The following CRISP2 variants were observed in gnomAD, a reference collection of about 807,000 sequenced individuals.
CRISP2 encodes the protein cysteine-rich secretory protein 2.
Under a neutral mutation model 31.7 loss-of-function variants are expected in CRISP2, and 29 were observed. That is an observed-to-expected ratio of 0.92 (90% CI 0.68 to 1.25). CRISP2 has a LOEUF of 1.25. Among genes scored for constraint, CRISP2 ranks in the 50% most tolerant of loss-of-function variants. The pLI is 0.00. For synonymous variants in CRISP2, 111 were observed against 101.4 expected (o/e 1.09, Z -0.57); for missense variants, 318 against 286.5 (o/e 1.11, Z -0.79).
intron 4 of CRISP2, among the ~76,000 whole-genome samples, chr6:49,706,853 A>G (rs1223678839): frequency 6.6e-6 from 1 of 152,204 alleles, no homozygotes; most frequent in Non-Finnish European, 1.5e-5. Flanking sequence ...TCCTAAGAAC[A>G]GGGACTGATC....
chr6:49,694,732 A>G (rs1259609051), intron 9 of CRISP2, among the ~76,000 whole-genome samples: 1 of 128,866 alleles, frequency 7.8e-6, no homozygotes, highest in African/African-American at 2.8e-5. Context: ...GTATTCAACT[A>G]TTTTTTTCTT....
intron 4 of CRISP2, among the ~76,000 whole-genome samples, chr6:49,702,092 ATAT>A (rs1161341839): frequency 2.8e-5 from 3 of 107,626 alleles, no homozygotes; most frequent in African/African-American, 1.0e-4. Context: ...TATATTATAT[ATAT>A]TATATATGTA....
chr6:49,694,775 C>A (rs141006904), intron 9 of CRISP2, among the ~76,000 whole-genome samples: 12,194 of 147,776 alleles, frequency 0.083, 556 homozygotes, highest in Non-Finnish European at 0.099. Context: ...CGCTCTGTTG[C>A]CCTGGCTGGA....
intron 4 of CRISP2, among the ~76,000 whole-genome samples, chr6:49,704,751 A>C (rs1766718909): frequency 6.6e-6 from 1 of 152,170 alleles, no homozygotes; most frequent in African/African-American, 2.4e-5. Context: ...TGGAGGTAGC[A>C]GGGGAGTGAA....
the CRISP2 span, among the ~76,000 whole-genome samples, chr6:49,686,453 T>C: frequency 0.59 from 89,750 of 152,014 alleles, 27,102 homozygotes; most frequent in East Asian, 0.8. Context: ...ATTGCCAAAT[T>C]TCCCTCTCTG....
At chr6:49,707,663 A>G (rs548586113) in intron 4 of CRISP2, among the ~76,000 whole-genome samples, 1 of 152,334 alleles carries the variant, frequency 6.6e-6, no homozygotes, top group African/African-American at 2.4e-5. Context: ...ACAGTAATAC[A>G]ATGACTATAT....
At chr6:49,686,629 G>A in the CRISP2 span, among the ~76,000 whole-genome samples, 1 of 152,210 alleles carries the variant, frequency 6.6e-6, no homozygotes, top group Non-Finnish European at 1.5e-5. Context: ...TTCGACCATT[G>A]TAGAAGTTGG....
chr6:49,703,205 G>T (rs1414728718), intron 4 of CRISP2, among the ~76,000 whole-genome samples: 2 of 151,988 alleles, frequency 1.3e-5, no homozygotes, highest in African/African-American at 4.8e-5. Context: ...GTACCATGCT[G>T]TTTTGGTGAC....
intron 4 of CRISP2, among the ~76,000 whole-genome samples, chr6:49,708,101 AATATT>A (rs1167354025): frequency 6.6e-6 from 1 of 152,136 alleles, no homozygotes; most frequent in African/African-American, 2.4e-5. Context: ...GTGCTAATTT[AATATT>A]ATATAAGTAT....
Position 49,695,901 on chromosome 6 carries a change from T to C in CRISP2, c.539A>G (p.Asn180Ser). ...AGGTGTTCCTTGTTGGTACGGGGTA[T>C]TCTTTCTATTCATATTATTACCACT... ...CPAGNNMNRK[N>S]TPYQQGTPCA... is the part of the protein sequence containing the mutation. Residue 180 changes from asparagine (N) to serine (S), a missense_variant, in exon 9 of 10, where the codon AAT becomes AGT. By Grantham distance (46) the Asn-to-Ser change is conservative. Coordinates refer to ENST00000339139, the MANE Select transcript of CRISP2 (RefSeq NM_003296.4). 6.2e-7 allele frequency: 1 copy of C among 1,610,374 alleles called. No individual in the cohort carries two copies. The highest frequency in any genetic ancestry group is 8.5e-7 in the Non-Finnish European group (1 of 1,177,570).
At chr6:49,682,705 T>A in the CRISP2 span, among the ~76,000 whole-genome samples, 1 of 148,474 alleles carries the variant, frequency 6.7e-6, no homozygotes, top group African/African-American at 2.5e-5. Flanking sequence ...TCTTTTTCTT[T>A]TTTCTCTTTC....
At position 49,699,868 on chromosome 6, in the gene CRISP2, CG is replaced by C; in HGVS notation, c.206del (p.Thr69ArgfsTer51). ...LKMEWSREVT[T>X]NAQRWANKCT... is the part of the protein sequence containing the mutation. ...ACTTGTTTGCCCACCTTTGGGCATT[CG>C]TTGTTACCTCTCTGCTCCATTCCTA... On this transcript the variant is annotated frameshift_variant, in exon 6 of 10. Transcript: ENST00000339139. LOFTEE classifies it high-confidence loss of function. 1 of 1,612,634 alleles carries C rather than the reference CG, an allele frequency of 6.2e-7. No homozygotes were observed. Among genetic ancestry groups the C allele is most frequent in the Non-Finnish European group, 8.5e-7 (1 of 1,179,154 alleles).
intron 8 of CRISP2, among the ~76,000 whole-genome samples, chr6:49,696,237 A>G (rs921276541): frequency 1.2e-5 from 1 of 84,206 alleles, no homozygotes; most frequent in Non-Finnish European, 2.8e-5. Context: ...TCAAATTACT[A>G]AGGCAGTGTA....
chr6:49,696,565 T>G (rs1031354077), intron 8 of CRISP2, among the ~76,000 whole-genome samples: 8 of 147,836 alleles, frequency 5.4e-5, no homozygotes, highest in African/African-American at 1.5e-4. Flanking sequence ...AATATTAGTT[T>G]TTGTTATCCC....
rs1764126972 is a variant in CRISP2, at chr6:49,692,691, T to C, written c.*82A>G. On this transcript the variant is annotated 3_prime_UTR_variant, in exon 10 of 10. Transcript: ENST00000339139. ...TTTGAAATCAAATTTGTCACTAACA[T>C]ACATACAATTTCCACTGGTATGTCG... The C allele has an allele frequency of 7.4e-7, 1 of 1,344,558 alleles. No homozygotes were observed. The allele number at this position is 1,344,558 out of a possible 1,614,324, so 83.3% of individuals were successfully genotyped here. A position where few individuals can be genotyped will look rare whatever the true frequency, so the allele number is the denominator to read the frequency against.
intron 4 of CRISP2, among the ~76,000 whole-genome samples, chr6:49,701,855 T>G (rs1425190131): frequency 1.5e-5 from 1 of 65,022 alleles, no homozygotes; most frequent in Non-Finnish European, 3.5e-5. Context: ...TATTATATAA[T>G]ATATATTATT....
intron 8 of CRISP2, among the ~76,000 whole-genome samples, chr6:49,696,399 A>G (rs2127392462): frequency 6.6e-6 from 1 of 152,212 alleles, no homozygotes; most frequent in East Asian, 1.9e-4. Flanking sequence ...TCTAACAGAA[A>G]CTATGAAAAA....
At chr6:49,701,487 TG>T (rs1315156177) in intron 4 of CRISP2, among the ~76,000 whole-genome samples, 4 of 21,358 alleles carry the variant, frequency 1.9e-4, no homozygotes, top group Non-Finnish European at 3.6e-4. Flanking sequence ...CAGTATTACG[TG>T]TGTGTGTGTG....
intron 8 of CRISP2, among the ~76,000 whole-genome samples, chr6:49,696,988 A>G (rs1764873683): frequency 6.6e-6 from 1 of 152,074 alleles, no homozygotes; most frequent in Admixed American, 6.6e-5. Flanking sequence ...GGGCCTTTCA[A>G]TTCTCTCTAC....
Sources: gnomAD v4.1 joint callset for allele counts (sites outside exome capture counted in the v4.1 genomes callset) on GRCh38, gnomAD v4.1.1 for gene constraint, MANE v1.5 for transcripts, NCBI Gene and HGNC (gene_info 2026-07-23, HGNC 2026-07-21) for gene names.